Variants in RAD54L2 observed in about 807,000 individuals in gnomAD.
RAD54L2 encodes RAD54 like 2, also known as helicase ARIP4.
A neutral mutation model predicts 138.4 loss-of-function variants in RAD54L2; 27 were observed. The ratio of observed to expected loss-of-function variants is 0.20; its 90% CI spans 0.14 to 0.27. RAD54L2 has a LOEUF of 0.27. Ranked by LOEUF, RAD54L2 falls within the 10% of genes least tolerant of loss-of-function variation. The pLI is 1.00. For synonymous variants in RAD54L2, 644 were observed against 723.2 expected, an observed-to-expected ratio of 0.89 and a Z score of 1.76; for missense variants, 1,396 against 1,890.2, an observed-to-expected ratio of 0.74 and a Z score of 4.85.
intron 2 of RAD54L2, among the ~76,000 whole-genome samples, chr3:51,551,331 C>T (rs984280369): frequency 6.6e-6 from 1 of 151,928 alleles, no homozygotes; most frequent in African/African-American, 2.4e-5. Context: ...TGGGGTTTTT[C>T]TATGTTTCCC....
At chr3:51,619,311 C>T (rs1700517859) in intron 3 of RAD54L2, among the ~76,000 whole-genome samples, 1 of 152,206 alleles carries the variant, frequency 6.6e-6, no homozygotes, top group Admixed American at 6.5e-5. Context: ...TCTGCCTTGG[C>T]CTCCCAAAGT....
At chr3:51,575,631 A>C (rs1284784874) in intron 2 of RAD54L2, among the ~76,000 whole-genome samples, 1 of 152,146 alleles carries the variant, frequency 6.6e-6, no homozygotes, top group Non-Finnish European at 1.5e-5. Context: ...GAGTTCATTC[A>C]TGATTTGGCT....
intron 5 of RAD54L2, 102 bp from the exon 6 acceptor site, chr3:51,630,170 C>A: frequency 1.2e-6 from 1 of 850,348 alleles, no homozygotes; most frequent in Non-Finnish European, 1.9e-6. Context: ...TGGATACTCC[C>A]CATGAGAGCT....
At chr3:51,608,193 C>T (rs1444334613) in intron 3 of RAD54L2, among the ~76,000 whole-genome samples, 2 of 132,852 alleles carry the variant, frequency 1.5e-5, no homozygotes, top group Admixed American at 7.4e-5. Flanking sequence ...CACACGGGGT[C>T]GCGGCCGGGC....
At chr3:51,590,862 A>G (rs1348471906) in intron 3 of RAD54L2, among the ~76,000 whole-genome samples, 1 of 152,202 alleles carries the variant, frequency 6.6e-6, no homozygotes, top group East Asian at 1.9e-4. Flanking sequence ...GGAGGAGTCA[A>G]TGGCAGAGTT....
chr3:51,570,193 G>C (rs1699307966), intron 2 of RAD54L2, among the ~76,000 whole-genome samples: 1 of 143,978 alleles, frequency 6.9e-6, no homozygotes, highest in Non-Finnish European at 1.5e-5. Context: ...ACCCAGGCTG[G>C]AGTGCAGTGG....
intron 2 of RAD54L2, 30 bp from the exon 3 acceptor site, chr3:51,590,337 G>T (rs1184942457): frequency 1.4e-6 from 2 of 1,411,000 alleles, no homozygotes. Context: ...AAAACCCTTG[G>T]TGATTCTGAT....
At chr3:51,561,122 T>TA (rs1699087524) in intron 2 of RAD54L2, among the ~76,000 whole-genome samples, 1 of 152,236 alleles carries the variant, frequency 6.6e-6, no homozygotes, top group Non-Finnish European at 1.5e-5. Flanking sequence ...TTGGCCCTGT[T>TA]ACTTCTCCAG....
At chr3:51,569,029 AG>A (rs900039174) in intron 2 of RAD54L2, among the ~76,000 whole-genome samples, 2 of 152,172 alleles carry the variant, frequency 1.3e-5, no homozygotes, top group African/African-American at 4.8e-5. Flanking sequence ...TCACTTATGT[AG>A]GTAGAGACAG....
intron 2 of RAD54L2, among the ~76,000 whole-genome samples, chr3:51,588,534 C>CACAA (rs1699761282): frequency 2.0e-5 from 1 of 49,442 alleles, no homozygotes. Flanking sequence ...AACTGCATCT[C>CACAA]AAAAAAAAAA....
intron 22 of RAD54L2, among the ~76,000 whole-genome samples, chr3:51,660,802 A>C (rs768839498): frequency 6.9e-6 from 1 of 144,420 alleles, no homozygotes; most frequent in Non-Finnish European, 1.5e-5. Flanking sequence ...TTGTATTTTT[A>C]GTAGAGATTG....
At chr3:51,609,698 TTGTGTGTGTGTGTGTGTGTGTGTGTG>T (rs5848928) in intron 3 of RAD54L2, among the ~76,000 whole-genome samples, 1 of 141,080 alleles carries the variant, frequency 7.1e-6, no homozygotes. Flanking sequence ...TTGTGGGCAT[TTGTGTGTGTGTGTGTGTGTGTGTGTG>T]TGTGTGTGTG....
chr3:51,549,088 G>A (rs1317621696), intron 2 of RAD54L2, among the ~76,000 whole-genome samples: 14 of 152,096 alleles, frequency 9.2e-5, no homozygotes, highest in African/African-American at 3.4e-4. Flanking sequence ...TGCCTCCTGA[G>A]TTCAAGCTAT....
At position 51,662,302 on chromosome 3, in the gene RAD54L2, C is replaced by T; in HGVS notation, c.3410-124C>T. Reference sequence around the variant, plus strand: ...AAAAGGTTGACTGGGTGATGTTGTTCAGACATCAAACTATTAGAATTTTGG... The same window carrying T: ...AAAAGGTTGACTGGGTGATGTTGTTTAGACATCAAACTATTAGAATTTTGG... On this transcript the variant is annotated intron_variant, in intron 22 of 22. Transcript: ENST00000684192. The surrounding 1 kb of genome is among the most constrained non-coding windows in gnomAD (Gnocchi z 4.6). 1.2e-6 allele frequency: 1 copy of T among 841,982 alleles called. No homozygotes were observed. Among genetic ancestry groups the T allele is most frequent in the Non-Finnish European group, 1.7e-6 (1 of 581,716 alleles). 52.2% of individuals were successfully genotyped at this position (841,982 alleles called of 1,614,324 possible). A position where few individuals can be genotyped will look rare whatever the true frequency, so the allele number is the denominator to read the frequency against.
intron 3 of RAD54L2, among the ~76,000 whole-genome samples, chr3:51,621,658 A>G (rs746957776): frequency 2.6e-5 from 4 of 152,328 alleles, no homozygotes; most frequent in Middle Eastern, 6.8e-3. Context: ...ACTCTGTCCT[A>G]TCTGCCTACT....
intron 2 of RAD54L2, among the ~76,000 whole-genome samples, chr3:51,558,334 A>C (rs1007184498): frequency 6.6e-6 from 1 of 152,200 alleles, no homozygotes; most frequent in Admixed American, 6.5e-5. Flanking sequence ...ATGTTTAAAA[A>C]ATTTCTTAGA....
At chr3:51,636,962 G>A (rs1700996748) in intron 10 of RAD54L2, 199 bp from the exon 11 acceptor site, 1 of 594,920 alleles carries the variant, frequency 1.7e-6, no homozygotes, top group Non-Finnish European at 3.0e-6. Flanking sequence ...TCAACTGCCA[G>A]ATTAGCATTC....
chr3:51,541,347 C>T (rs139525886), intron 1 of RAD54L2: 37 of 152,290 alleles, frequency 2.4e-4, no homozygotes, highest in African/African-American at 8.4e-4. Flanking sequence ...GTTTAGCTAT[C>T]ACTGTGAGTT....
At position 51,638,660 on chromosome 3, in the gene RAD54L2, T is replaced by TA. The variant is rs1255587292; in HGVS notation, c.1860+340dup. Reference sequence around the variant, plus strand: ...ATCAGAATTCAAGAGATATATAGCTTAGACAAGTTATTAGGGGTACCTTCC... The same window carrying TA: ...ATCAGAATTCAAGAGATATATAGCTTAAGACAAGTTATTAGGGGTACCTTCC... On this transcript the variant is annotated intron_variant, in intron 12 of 22. Coordinates refer to ENST00000684192, the MANE Select transcript of RAD54L2 (RefSeq NM_015106.4). The surrounding 1 kb of genome is among the most constrained non-coding windows in gnomAD (Gnocchi z 4.3). The TA allele has an allele frequency of 3.7e-5, 8 of 214,878 alleles. No homozygotes were observed. The highest frequency in any genetic ancestry group is 7.4e-5 in the Non-Finnish European group (8 of 107,992). 13.3% of individuals were successfully genotyped at this position (214,878 alleles called of 1,614,324 possible).
Sources: allele counts gnomAD v4.1 joint callset (sites outside exome capture counted in the v4.1 genomes callset), GRCh38; gene constraint gnomAD v4.1.1; non-coding constraint Gnocchi (gnomAD v3.1); transcripts MANE v1.5; gene names NCBI Gene and HGNC (gene_info 2026-07-23, HGNC 2026-07-21).